The following ADHFE1 variants were observed in gnomAD, a reference collection of about 807,000 sequenced individuals.
ADHFE1 encodes alcohol dehydrogenase iron containing 1, also known as hydroxyacid-oxoacid transhydrogenase, mitochondrial.
Under a neutral mutation model 54.8 loss-of-function variants are expected in ADHFE1, and 37 were observed. The observed-to-expected ratio is 0.68, with a 90% CI of 0.52 to 0.89. The LOEUF is 0.89. Ranked by LOEUF, ADHFE1 falls within the 40% of genes least tolerant of loss-of-function variation. The probability of loss-of-function intolerance (pLI) is 0.00; values close to 1 mark genes in which losing one functional copy is unlikely to be tolerated. For missense variants in ADHFE1, 601 were observed against 591.2 expected, an observed-to-expected ratio of 1.02 and a Z score of -0.17; for synonymous variants, 203 against 229.3, an observed-to-expected ratio of 0.89 and a Z score of 1.04.
chr8:66,436,996 G>A (rs1408956068), intron 1 of ADHFE1, among the ~76,000 whole-genome samples: 1 of 152,176 alleles, frequency 6.6e-6, no homozygotes, highest in Non-Finnish European at 1.5e-5. Flanking sequence ...GTTAGCTAGT[G>A]GAGGGCATTA....
chr8:66,432,763 T>C lies in ADHFE1; in HGVS notation c.59+188T>C. On this transcript the variant is annotated intron_variant, in intron 1 of 13. Transcript: ENST00000396623. ...AGGTCACAGAGTGCGCGATGCAGCCTCTCAGGGCGCAGTGAGGCAGCCTTT... is the reference window on the plus strand; with the variant it reads ...AGGTCACAGAGTGCGCGATGCAGCCCCTCAGGGCGCAGTGAGGCAGCCTTT... 3 of 1,230,414 alleles carry C rather than the reference T, an allele frequency of 2.4e-6. No individual in the cohort carries two copies. The South Asian group carries it at 1.3e-4, about 52-fold the overall frequency. The allele number at this position is 1,230,414 out of a possible 1,614,324, so 76.2% of individuals were successfully genotyped here. A position where few individuals can be genotyped will look rare whatever the true frequency, so the allele number is the denominator to read the frequency against.
intron 12 of ADHFE1, among the ~76,000 whole-genome samples, chr8:66,459,825 G>A (rs1806802276): frequency 6.6e-6 from 1 of 152,052 alleles, no homozygotes; most frequent in South Asian, 2.1e-4. Context: ...TTTCTTTTTG[G>A]TGGTTAATTT....
intron 8 of ADHFE1, among the ~76,000 whole-genome samples, chr8:66,451,048 C>T (rs1023853229): frequency 6.6e-6 from 1 of 152,180 alleles, no homozygotes; most frequent in African/African-American, 2.4e-5. Context: ...TTACAGAGGC[C>T]CCCATGGGGA....
At position 66,451,964 on chromosome 8, in the gene ADHFE1, A is replaced by T; in HGVS notation, c.746A>T (p.Glu249Val). 1 of 1,614,018 alleles carries T rather than the reference A, an allele frequency of 6.2e-7. No homozygotes were observed. The highest frequency in any genetic ancestry group is 8.5e-7 in the Non-Finnish European group (1 of 1,180,002). Reference sequence around the variant, plus strand: ...ATATTTCTTTTTAGCCATGCCCTGGAGTCATACACCACCCTGCCCTACCAC... The same window carrying T: ...ATATTTCTTTTTAGCCATGCCCTGGTGTCATACACCACCCTGCCCTACCAC... ...SGFDVLCHAL[E>V]SYTTLPYHLR... is the part of the protein sequence containing the mutation. The change falls in exon 9 of 14, where the codon GAG (glutamate) becomes GTG (valine). Residue 249 changes from glutamate (E) to valine (V), a missense_variant. By Grantham distance (121) the Glu-to-Val change is moderately radical (BLOSUM62 -2). Transcript: ENST00000396623.
At chr8:66,452,900 T>C (rs765409448) in intron 9 of ADHFE1, among the ~76,000 whole-genome samples, 1 of 152,236 alleles carries the variant, frequency 6.6e-6, no homozygotes, top group African/African-American at 2.4e-5. Context: ...TTTGTATTTA[T>C]ACATAATGGA....
chr8:66,437,435 A>T (rs139628863), intron 1 of ADHFE1, among the ~76,000 whole-genome samples: 1 of 152,134 alleles, frequency 6.6e-6, no homozygotes, highest in Non-Finnish European at 1.5e-5. Flanking sequence ...GGGCAGGTAG[A>T]TGAGGTCCTG....
At chr8:66,449,857 G>A (rs973407624) in intron 8 of ADHFE1, among the ~76,000 whole-genome samples, 1 of 152,202 alleles carries the variant, frequency 6.6e-6, no homozygotes, top group Non-Finnish European at 1.5e-5. Flanking sequence ...AGTGGCTCAC[G>A]CCTGTATTCC....
chr8:66,460,393 T>G lies in ADHFE1; in HGVS notation c.1248T>G (p.Val416=). The G allele has an allele frequency of 1.9e-6, 3 of 1,614,004 alleles. No individual in the cohort carries two copies. Among genetic ancestry groups the G allele is most frequent in the Non-Finnish European group, 2.5e-6 (3 of 1,179,880 alleles). ...GGAAATTCTTATTCGATCTGGATGT[T>G]GATGATGGCCTAGCAGCTGTTGGTT... ...TLRKFLFDLD[V]DDGLAAVGYS... is the part of the protein sequence containing the mutation. The change falls in exon 13 of 14, where the codon GTT becomes GTG. Residue 416 remains valine (V), a synonymous_variant. Transcript: ENST00000396623.
intron 2 of ADHFE1, among the ~76,000 whole-genome samples, chr8:66,442,309 C>CTTTTT (rs1028439051): frequency 1.5e-5 from 2 of 133,810 alleles, no homozygotes; most frequent in Non-Finnish European, 1.6e-5. Flanking sequence ...TACATTCTAT[C>CTTTTT]TTTTTTTTTT....
Position 66,468,290 on chromosome 8 carries a change from C to A in ADHFE1, c.1342C>A (p.Pro448Thr). ...TCAGGAAAGGGTCACCAAGCTTGCACCCTGTCCCCAGTCAGAAGAGGATCT... is the reference window on the plus strand; with the variant it reads ...TCAGGAAAGGGTCACCAAGCTTGCAACCTGTCCCCAGTCAGAAGAGGATCT... ...LPQERVTKLA[P>T]CPQSEEDLAA... Residue 448 changes from proline (P) to threonine (T), a missense_variant, in exon 14 of 14, where the codon CCC becomes ACC. Pro to Thr is a conservative substitution (Grantham distance 38). Transcript: ENST00000396623. 1.9e-6 allele frequency: 3 copies of A among 1,613,286 alleles called. No homozygotes were observed. The highest frequency in any genetic ancestry group is 2.5e-6 in the Non-Finnish European group (3 of 1,179,590).
chr8:66,433,896 G>T (rs1805330690), intron 1 of ADHFE1, among the ~76,000 whole-genome samples: 1 of 152,078 alleles, frequency 6.6e-6, no homozygotes, highest in African/African-American at 2.4e-5. Context: ...TGTCATCATA[G>T]AACTCTTTGT....
At chr8:66,466,236 A>ATTTTTTTTTT (rs575459850) in intron 13 of ADHFE1, among the ~76,000 whole-genome samples, 2 of 119,646 alleles carry the variant, frequency 1.7e-5, no homozygotes, top group East Asian at 2.5e-4. Flanking sequence ...ACCCAGCTGA[A>ATTTTTTTTTT]TTTTTTTTTT....
At position 66,445,386 on chromosome 8, in the gene ADHFE1, G is replaced by A; in HGVS notation, c.522G>A (p.Val174=). Residue 174 remains valine, a synonymous_variant, in exon 6 of 14, where the codon GTG becomes GTA. Transcript: ENST00000396623. The part of the protein sequence containing the change: ...VSAPIGKGKP[V]SVPLKPLIAV... ...CCCCCATTGGCAAGGGAAAGCCTGT[G>A]TCTGTGCCTCTTAAGCCTCTGATTG... 6.2e-7 allele frequency: 1 copy of A among 1,612,258 alleles called. No homozygotes were observed. The highest frequency in any genetic ancestry group is 1.3e-5 in the African/African-American group (1 of 74,860).
rs141861409 is a variant in ADHFE1 at position 66,464,665 on chromosome 8, C to A, written c.1321-3604C>A. Among the ~76,000 whole-genome samples, 1,014 of 152,308 alleles carry A rather than the reference C, an allele frequency of 6.7e-3. 9 individuals carry two copies. The highest frequency in any genetic ancestry group is 0.023 in the African/African-American group (969 of 41,578). The stretch of plus-strand genomic sequence containing the variant: ...ACCCCTCTCTCATCTGTCCCTCTAT[C>A]CTTTCTTCCTGCTTTAACTTATCTT... On this transcript the variant is annotated intron_variant, in intron 13 of 13. Transcript: ENST00000396623.
chr8:66,438,647 G>T (rs1302450641), intron 1 of ADHFE1, among the ~76,000 whole-genome samples: 3 of 152,120 alleles, frequency 2.0e-5, no homozygotes, highest in Non-Finnish European at 4.4e-5. Flanking sequence ...AGCAAATGTA[G>T]GTCGGGAGGA....
At chr8:66,453,249 A>G (rs1443712771) in intron 9 of ADHFE1, among the ~76,000 whole-genome samples, 4 of 152,230 alleles carry the variant, frequency 2.6e-5, no homozygotes, top group Non-Finnish European at 5.9e-5. Flanking sequence ...TAAGGAACTA[A>G]CATGGGGTTT....
rs1805834132 is a variant in ADHFE1, at chr8:66,442,909, T to A, written c.144+65T>A. On this transcript the variant is annotated intron_variant, in intron 3 of 13. Transcript: ENST00000396623. ...AGAAAAAAATAAAACTAGAATATTT[T>A]GCTAATGAATTATTATTTTATTTTA... is the stretch of plus-strand genomic sequence containing the variant. 26 of 1,262,862 alleles carry A rather than the reference T, an allele frequency of 2.1e-5. No homozygotes were observed. The South Asian group carries it at 3.0e-4, about 15-fold the overall frequency. 78.2% of individuals were successfully genotyped at this position (1,262,862 alleles called of 1,614,324 possible).
chr8:66,454,299 CTT>C, intron 10 of ADHFE1, 142 bp downstream of exon 10: 1 of 744,792 alleles, frequency 1.3e-6, no homozygotes. Context: ...ATGTATTCTT[CTT>C]TTTCTTTTTT....
intron 1 of ADHFE1, among the ~76,000 whole-genome samples, chr8:66,433,291 C>G (rs547696886): frequency 7.2e-5 from 11 of 152,088 alleles, no homozygotes; most frequent in Non-Finnish European, 1.5e-4. Context: ...GAACGTCAGG[C>G]AGAGAGAAGA....
Sources: gnomAD v4.1 joint callset for allele counts (sites outside exome capture counted in the v4.1 genomes callset) on GRCh38, gnomAD v4.1.1 for gene constraint, MANE v1.5 for transcripts, NCBI Gene and HGNC (gene_info 2026-07-23, HGNC 2026-07-21) for gene names.